The following PDE1C variants were observed in gnomAD, a reference collection of about 807,000 sequenced individuals.
PDE1C encodes the protein phosphodiesterase 1C.
A neutral mutation model predicts 93.1 loss-of-function variants in PDE1C; 62 were observed. The ratio of observed to expected loss-of-function variants is 0.67; its 90% CI spans 0.54 to 0.82. PDE1C has a LOEUF of 0.82. Among genes scored for constraint, PDE1C ranks in the 40% least tolerant of loss-of-function variants. PDE1C has a pLI of 0.00. For missense variants in PDE1C, 742 were observed against 884.6 expected, an observed-to-expected ratio of 0.84 and a Z score of 2.04; for synonymous variants, 325 against 310.1, an observed-to-expected ratio of 1.05 and a Z score of -0.50.
At chr7:32,212,394 G>A (rs1456777601) in intron 1 of PDE1C, among the ~76,000 whole-genome samples, 1 of 152,148 alleles carries the variant, frequency 6.6e-6, no homozygotes, top group Non-Finnish European at 1.5e-5. Context: ...AGACCAGTGG[G>A]ACACCAGGAG....
intron 17 of PDE1C, among the ~76,000 whole-genome samples, chr7:31,762,157 T>G (rs57442061): frequency 1.5e-3 from 232 of 152,336 alleles, no homozygotes; most frequent in African/African-American, 5.3e-3. Flanking sequence ...AAAAGCCTTA[T>G]AGTGAGGCCA....
chr7:31,739,934 A>C, the PDE1C span, among the ~76,000 whole-genome samples: 2 of 152,192 alleles, frequency 1.3e-5, no homozygotes. Context: ...TAAATAATTT[A>C]GTTTCCTAAT....
At chr7:31,755,787 A>G (rs1794425717) in intron 17 of PDE1C, among the ~76,000 whole-genome samples, 1 of 152,222 alleles carries the variant, frequency 6.6e-6, no homozygotes, top group Non-Finnish European at 1.5e-5. Context: ...TGGGAGAATA[A>G]TTTATATACA....
At chr7:32,043,940 G>C (rs2214784) in intron 2 of PDE1C, among the ~76,000 whole-genome samples, 35,415 of 152,108 alleles carry the variant, frequency 0.23, 5,456 homozygotes, top group African/African-American at 0.43. Context: ...TATTTACCCA[G>C]AGTTCCACCT....
chr7:31,621,576 A>C, the PDE1C span, among the ~76,000 whole-genome samples: 2 of 148,532 alleles, frequency 1.3e-5, no homozygotes, highest in Non-Finnish European at 3.0e-5. Context: ...TGTCACCACC[A>C]GGCCTGCCCT....
intron 16 of PDE1C, among the ~76,000 whole-genome samples, chr7:31,807,930 T>TAAA (rs3840587): frequency 6.9e-6 from 1 of 145,500 alleles, no homozygotes. Flanking sequence ...AGCACATTGG[T>TAAA]AAAAAAAAAA....
At chr7:31,983,696 T>C (rs1176278018) in intron 2 of PDE1C, among the ~76,000 whole-genome samples, 1 of 152,168 alleles carries the variant, frequency 6.6e-6, no homozygotes, top group Non-Finnish European at 1.5e-5. Flanking sequence ...ACCTTTAGTG[T>C]CTCAAAGCAT....
At chr7:32,256,277 G>T (rs920483897) in intron 1 of PDE1C, among the ~76,000 whole-genome samples, 1 of 152,172 alleles carries the variant, frequency 6.6e-6, no homozygotes, top group Non-Finnish European at 1.5e-5. Context: ...CTTGTTTGAT[G>T]GAGTTTTCTA....
At chr7:32,324,363 A>G (rs985028675) in intron 1 of PDE1C, among the ~76,000 whole-genome samples, 3 of 152,140 alleles carry the variant, frequency 2.0e-5, no homozygotes, top group African/African-American at 7.2e-5. Context: ...GCCTTTTTCA[A>G]CCTCATAATT....
chr7:32,056,320 T>TTCTCTCTCTCTCTCTCTC (rs10648394), intron 1 of PDE1C, among the ~76,000 whole-genome samples: 24 of 111,114 alleles, frequency 2.2e-4, no homozygotes, highest in African/African-American at 7.3e-4. Context: ...GGGTCCACCG[T>TTCTCTCTCTCTCTCTCTC]TCTCTCTCTC....
At chr7:32,266,377 T>A (rs541437468) in intron 1 of PDE1C, among the ~76,000 whole-genome samples, 1 of 151,974 alleles carries the variant, frequency 6.6e-6, no homozygotes, top group Non-Finnish European at 1.5e-5. Context: ...ATCCCTGTCC[T>A]GTAGTCCCAG....
intron 3 of PDE1C, among the ~76,000 whole-genome samples, chr7:32,091,937 G>A (rs541491981): frequency 8.5e-5 from 13 of 152,226 alleles, no homozygotes; most frequent in South Asian, 2.1e-4. Context: ...TCAGTCAGGC[G>A]GTAGCCATGG....
At chr7:31,623,820 C>G in the PDE1C span, among the ~76,000 whole-genome samples, 16 of 152,204 alleles carry the variant, frequency 1.1e-4, no homozygotes, top group South Asian at 4.2e-4. Flanking sequence ...AGGAAAAGAG[C>G]AAGTCAAATT....
At chr7:31,985,162 G>A (rs985538541) in intron 2 of PDE1C, among the ~76,000 whole-genome samples, 2 of 152,150 alleles carry the variant, frequency 1.3e-5, no homozygotes, top group Non-Finnish European at 2.9e-5. Context: ...GCCAAGAGTA[G>A]ACTAGTAAGC....
In PDE1C at chr7:32,168,312, T is replaced by C. The variant is rs559802411; in HGVS notation, c.308+1473A>G. The stretch of plus-strand genomic sequence containing the variant: ...ACCAAATGACATTCATGGGCATCAA[T>C]ATTAAAGCTCATGAGCTCTCTATTA... On this transcript the variant is annotated intron_variant, in intron 3 of 18. Coordinates refer to the PDE1C transcript ENST00000396193. Among the ~76,000 whole-genome samples the C allele has an allele frequency of 2.6e-5, 4 of 152,298 alleles. No individual in the cohort carries two copies. The East Asian group carries it at 7.7e-4, about 29-fold the overall frequency.
At chr7:31,971,268 G>C (rs1208604843) in intron 2 of PDE1C, among the ~76,000 whole-genome samples, 3 of 152,150 alleles carry the variant, frequency 2.0e-5, no homozygotes, top group Admixed American at 6.5e-5. Flanking sequence ...CCCTTACAGT[G>C]ACCTTCTGTG....
At chr7:32,248,099 G>A (rs1585025335) in intron 1 of PDE1C, among the ~76,000 whole-genome samples, 1 of 152,180 alleles carries the variant, frequency 6.6e-6, no homozygotes. Flanking sequence ...TTCAGAGTAG[G>A]CTTGGGCAGC....
upstream of PDE1C, among the ~76,000 whole-genome samples, chr7:32,300,603 A>C (rs1445570865): frequency 6.6e-6 from 1 of 152,088 alleles, no homozygotes; most frequent in African/African-American, 2.4e-5. Flanking sequence ...CTCTGACAAT[A>C]AGGATTAAGT....
At chr7:31,901,953 A>C (rs188804495) in intron 2 of PDE1C, among the ~76,000 whole-genome samples, 1 of 150,768 alleles carries the variant, frequency 6.6e-6, no homozygotes, top group African/African-American at 2.4e-5. Flanking sequence ...ACCCCAAAAT[A>C]TTTTCCAAAT....
Sources: gnomAD v4.1 joint callset for allele counts (sites outside exome capture counted in the v4.1 genomes callset) on GRCh38, gnomAD v4.1.1 for gene constraint, MANE v1.5 for transcripts, NCBI Gene and HGNC (gene_info 2026-07-23, HGNC 2026-07-21) for gene names.